The following EFCAB10 variants were observed in gnomAD, a reference collection of about 807,000 sequenced individuals.
EFCAB10 encodes EF-hand calcium binding domain 10, also known as EF-hand calcium-binding domain-containing protein 10.
A neutral mutation model predicts 7.7 loss-of-function variants in EFCAB10; 7 were observed. That is an observed-to-expected ratio of 0.91 (90% CI 0.52 to 1.72). EFCAB10 has a LOEUF of 1.72. EFCAB10 is among the 40% of genes most tolerant of loss of function. The pLI is 0.00. For missense variants in EFCAB10, 112 were observed against 61.5 expected (o/e 1.82, Z -2.74); for synonymous variants, 52 against 21.0 (o/e 2.47, Z -4.03).
Position 105,581,339 on chromosome 7 carries a change from G to A in EFCAB10, c.106+19C>T, listed in dbSNP as rs1417723880. The A allele has an allele frequency of 4.3e-6, 3 of 702,598 alleles. No homozygotes were observed. Among genetic ancestry groups the A allele is most frequent in the South Asian group, 1.5e-5 (1 of 67,578 alleles). 43.5% of individuals were successfully genotyped at this position (702,598 alleles called of 1,614,324 possible). A position where few individuals can be genotyped will look rare whatever the true frequency, so the allele number is the denominator to read the frequency against. On this transcript the variant is annotated intron_variant, in intron 1 of 4. Coordinates refer to ENST00000480514, the MANE Select transcript of EFCAB10 (RefSeq NM_001355526.2). The stretch of plus-strand genomic sequence containing the variant: ...CCCCACATGGAGGTATGGCTGTACC[G>A]GGGCATGGGGGCCCTTACCCGGCCG...
intron 4 of EFCAB10, chr7:105,565,716 T>A (rs1288026426): frequency 9.5e-7 from 1 of 1,053,196 alleles, no homozygotes; most frequent in Non-Finnish European, 1.4e-6. Context: ...TCCTTTTAAC[T>A]TTAGGGTTCT....
chr7:105,573,691 T>A (rs1211809925), intron 1 of EFCAB10: 2 of 152,220 alleles, frequency 1.3e-5, no homozygotes, highest in African/African-American at 2.4e-5. Flanking sequence ...ATCTTAATCA[T>A]AATAGCTATC....
chr7:105,572,466 A>G (rs1791975082), intron 1 of EFCAB10: 1 of 152,202 alleles, frequency 6.6e-6, no homozygotes. Flanking sequence ...TATAGTGGCT[A>G]TTGTGAATAG....
chr7:105,569,531 C>T lies in EFCAB10; in HGVS notation c.147G>A (p.Leu49=). ...KEYLISLLER[L]RIAKVTGVAF... ...CCACGCCTGTTACTTTTGCAATTCT[C>T]AGTCGTTCCAATAGAGATATTAAAT... is the stretch of plus-strand genomic sequence containing the variant. Residue 49 remains leucine (L), a synonymous_variant, in exon 2 of 5, where the codon CTG becomes CTA. Coordinates refer to ENST00000480514, the MANE Select transcript of EFCAB10 (RefSeq NM_001355526.2). The T allele has an allele frequency of 2.8e-6, 2 of 702,594 alleles. No individual in the cohort carries two copies. The highest frequency in any genetic ancestry group is 5.2e-6 in the Non-Finnish European group (2 of 384,916). The allele number at this position is 702,594 out of a possible 1,614,324, so 43.5% of individuals were successfully genotyped here.
rs189877897 is a variant in EFCAB10 at position 105,580,898 on chromosome 7, C to T, written c.106+460G>A. ...CGATCCCCTCTAGAACATCTTCTAT[C>T]CTACCCTATCAATTGTTTAGTTGCC... On this transcript the variant is annotated intron_variant, in intron 1 of 4. Coordinates refer to ENST00000480514, the MANE Select transcript of EFCAB10 (RefSeq NM_001355526.2). Among the ~76,000 whole-genome samples, 62 of 152,236 alleles carry T rather than the reference C, an allele frequency of 4.1e-4. 1 individual carries two copies. Among genetic ancestry groups the T allele is most frequent in the African/African-American group, 1.3e-3 (54 of 41,538 alleles).
Position 105,581,338 on chromosome 7 carries a change from C to A in EFCAB10, c.106+20G>T. ...ACCCCACATGGAGGTATGGCTGTAC[C>A]GGGGCATGGGGGCCCTTACCCGGCC... On this transcript the variant is annotated intron_variant, in intron 1 of 4. Transcript: ENST00000480514. 2 of 702,624 alleles carry A rather than the reference C, an allele frequency of 2.8e-6. No individual in the cohort carries two copies. The highest frequency in any genetic ancestry group is 3.0e-5 in the South Asian group (2 of 67,556). 43.5% of individuals were successfully genotyped at this position (702,624 alleles called of 1,614,324 possible). A position where few individuals can be genotyped will look rare whatever the true frequency, so the allele number is the denominator to read the frequency against.
intron 1 of EFCAB10, chr7:105,573,147 T>C (rs956363079): frequency 6.6e-6 from 1 of 152,168 alleles, no homozygotes; most frequent in Non-Finnish European, 1.5e-5. Context: ...AATTTATAGG[T>C]TTCCACTGCA....
chr7:105,567,312 T>C (rs776832049), intron 4 of EFCAB10, 155 bp downstream of exon 4: 5 of 1,575,672 alleles, frequency 3.2e-6, no homozygotes, highest in Non-Finnish European at 4.3e-6. Flanking sequence ...TGGAAAATAA[T>C]GTCTTTCAGA....
chr7:105,566,005 C>T (rs529360622), intron 4 of EFCAB10, among the ~76,000 whole-genome samples: 5 of 152,184 alleles, frequency 3.3e-5, no homozygotes, highest in Non-Finnish European at 4.4e-5. Context: ...CGTGGTGGCT[C>T]ACGCCTGTAA....
chr7:105,565,537 T>A, intron 4 of EFCAB10, 90 bp from the exon 5 acceptor site: 1 of 1,613,236 alleles, frequency 6.2e-7, no homozygotes, highest in Non-Finnish European at 8.5e-7. Flanking sequence ...CAGATAATTC[T>A]TGCTAATCAC....
chr7:105,572,164 C>T (rs1254914376), intron 1 of EFCAB10: 3 of 152,088 alleles, frequency 2.0e-5, no homozygotes, highest in Admixed American at 6.6e-5. Context: ...GAACTTATTC[C>T]TCTTTTGTCT....
intron 1 of EFCAB10, among the ~76,000 whole-genome samples, chr7:105,578,224 A>C (rs933198407): frequency 2.0e-5 from 3 of 152,250 alleles, no homozygotes; most frequent in Non-Finnish European, 4.4e-5. Flanking sequence ...TTTGGATGAT[A>C]ACTCATACAG....
Position 105,565,376 on chromosome 7 carries a change from G to A in EFCAB10, c.*71C>T, listed in dbSNP as rs1435475523. The A allele has an allele frequency of 6.2e-7, 1 of 1,614,036 alleles. No individual in the cohort carries two copies. The highest frequency in any genetic ancestry group is 8.5e-7 in the Non-Finnish European group (1 of 1,180,010). The stretch of plus-strand genomic sequence containing the variant: ...CGTTACGAGACCATTTACTTCAGTT[G>A]GAGCAGCAGCTTTGTTTCTCCTTAT... On this transcript the variant is annotated 3_prime_UTR_variant, in exon 5 of 5. Transcript: ENST00000480514.
chr7:105,576,535 C>T (rs1009798229), intron 1 of EFCAB10, among the ~76,000 whole-genome samples: 1 of 152,176 alleles, frequency 6.6e-6, no homozygotes, highest in Non-Finnish European at 1.5e-5. Flanking sequence ...CTCCGCCTCC[C>T]AGGCTCACAC....
chr7:105,569,843 T>C (rs1431252484), intron 1 of EFCAB10, among the ~76,000 whole-genome samples: 3 of 152,036 alleles, frequency 2.0e-5, no homozygotes, highest in Non-Finnish European at 4.4e-5. Context: ...CAAGTGACTA[T>C]AAGTTGCAGA....
chr7:105,570,076 T>A (rs1444722766), intron 1 of EFCAB10, among the ~76,000 whole-genome samples: 1 of 150,154 alleles, frequency 6.7e-6, no homozygotes, highest in African/African-American at 2.5e-5. Flanking sequence ...TAGCCAGGCG[T>A]GGTGGTGCAT....
In EFCAB10 at chr7:105,577,197, T is replaced by C. The variant is rs78944297; in HGVS notation, c.106+4161A>G. On this transcript the variant is annotated intron_variant, in intron 1 of 4. Transcript: ENST00000480514. ...TTGTCTTTATCTGCTTAGGTTCTTT[T>C]CCCCCCATAATGCCTTCTACTGGAA... is the stretch of plus-strand genomic sequence containing the variant. Among the ~76,000 whole-genome samples the C allele has an allele frequency of 9.9e-3, 1,513 of 152,284 alleles. 15 individuals are homozygous for C. Among genetic ancestry groups the C allele is most frequent in the African/African-American group, 0.035 (1,455 of 41,556 alleles).
intron 2 of EFCAB10, 35 bp from the exon 3 acceptor site, chr7:105,569,325 T>C: frequency 1.4e-6 from 1 of 694,820 alleles, no homozygotes; most frequent in Non-Finnish European, 2.6e-6. Flanking sequence ...AGTGAGAATT[T>C]TACAAAGTGA....
At chr7:105,578,856 TCTA>T (rs778598751) in intron 1 of EFCAB10, among the ~76,000 whole-genome samples, 3 of 152,344 alleles carry the variant, frequency 2.0e-5, no homozygotes, top group Non-Finnish European at 2.9e-5. Flanking sequence ...CACTGTAACC[TCTA>T]CTTCCCAGGT....
Sources: gnomAD v4.1 joint callset for allele counts (sites outside exome capture counted in the v4.1 genomes callset) on GRCh38, gnomAD v4.1.1 for gene constraint, MANE v1.5 for transcripts, NCBI Gene and HGNC (gene_info 2026-07-23, HGNC 2026-07-21) for gene names.